The following DCAF8L2 variants were observed in gnomAD, a reference collection of about 807,000 sequenced individuals.
The protein encoded by DCAF8L2 is DDB1- and CUL4-associated factor 8-like protein 2.
For synonymous variants in DCAF8L2, 200 were observed against 190.9 expected, an observed-to-expected ratio of 1.05 and a Z score of -0.39; for missense variants, 430 against 490.7, an observed-to-expected ratio of 0.88 and a Z score of 1.17.
chrX:27,536,352 T>TA, the DCAF8L2 span, among the ~76,000 whole-genome samples: 2 of 112,833 alleles, frequency 1.8e-5, no homozygotes, highest in African/African-American at 6.4e-5. Context: ...AATGGTTAGT[T>TA]ACTGTTTGAA....
At position 27,719,345 on chromosome X, in the gene DCAF8L2, G is replaced by A. The variant is rs899717107; in HGVS notation, c.-59+3174G>A. 6.4e-5 allele frequency among the ~76,000 whole-genome samples: 7 copies of A among 109,408 alleles called. No homozygotes were observed. In the East Asian group the frequency reaches 1.4e-3, roughly 22 times the overall value. Reference sequence around the variant, plus strand: ...TGATAATTGGCCATAGATCTATTTCGTTTTGTTAAAGAAAATATGTTAAAA... The same window carrying A: ...TGATAATTGGCCATAGATCTATTTCATTTTGTTAAAGAAAATATGTTAAAA... On this transcript the variant is annotated intron_variant, in intron 4 of 4. Transcript: ENST00000451261.
the DCAF8L2 span, among the ~76,000 whole-genome samples, chrX:27,474,127 A>T: frequency 9.0e-6 from 1 of 111,527 alleles, no homozygotes; most frequent in Non-Finnish European, 1.9e-5. Flanking sequence ...TACAAGAAGC[A>T]ATTATCCCCA....
chrX:27,547,197 A>G, the DCAF8L2 span, among the ~76,000 whole-genome samples: 1 of 111,971 alleles, frequency 8.9e-6, no homozygotes, highest in African/African-American at 3.2e-5. Flanking sequence ...TGAGTTCCTC[A>G]TCTCCATTTG....
At chrX:27,644,420 A>G (rs1276191705) in intron 2 of DCAF8L2, among the ~76,000 whole-genome samples, 1 of 111,795 alleles carries the variant, frequency 8.9e-6, no homozygotes, top group African/African-American at 3.3e-5. Flanking sequence ...TGGATGATAC[A>G]CTTAATTACC....
intron 2 of DCAF8L2, among the ~76,000 whole-genome samples, chrX:27,670,478 T>C (rs1056213997): frequency 9.0e-6 from 1 of 111,646 alleles, no homozygotes; most frequent in African/African-American, 3.3e-5. Flanking sequence ...AAGTGGGTTG[T>C]TGCTGCAGGC....
chrX:27,731,349 C>T (rs1335899572), intron 4 of DCAF8L2, among the ~76,000 whole-genome samples: 2 of 110,984 alleles, frequency 1.8e-5, no homozygotes, highest in Non-Finnish European at 3.8e-5. Context: ...TGCAGTGAGC[C>T]GAGATTGCAC....
chrX:27,722,377 T>C (rs1931928357), intron 4 of DCAF8L2, among the ~76,000 whole-genome samples: 1 of 111,462 alleles, frequency 9.0e-6, no homozygotes, highest in Non-Finnish European at 1.9e-5. Flanking sequence ...ACCGAACCTA[T>C]TGAAGATCAT....
the DCAF8L2 span, among the ~76,000 whole-genome samples, chrX:27,544,032 C>T: frequency 9.0e-6 from 1 of 111,414 alleles, no homozygotes; most frequent in Non-Finnish European, 1.9e-5. Flanking sequence ...CTCTATGGTC[C>T]CCCTTTTTTA....
At chrX:27,566,777 T>C in the DCAF8L2 span, among the ~76,000 whole-genome samples, 3 of 111,229 alleles carry the variant, frequency 2.7e-5, no homozygotes, top group African/African-American at 9.8e-5. Context: ...GGACTTAGGT[T>C]GTTTTTCTTT....
intron 2 of DCAF8L2, among the ~76,000 whole-genome samples, chrX:27,635,110 T>C (rs1229678939): frequency 9.0e-6 from 1 of 111,634 alleles, no homozygotes; most frequent in Non-Finnish European, 1.9e-5. Flanking sequence ...TTATTTTTAT[T>C]ATCACTCTAG....
chrX:27,509,145 C>T, the DCAF8L2 span, among the ~76,000 whole-genome samples: 7 of 111,313 alleles, frequency 6.3e-5, no homozygotes, highest in Non-Finnish European at 1.1e-4. Context: ...TCACTAGTAA[C>T]AGTGGTGGCT....
At chrX:27,689,236 C>CTGATTGAT (rs952700199) in intron 3 of DCAF8L2, among the ~76,000 whole-genome samples, 4 of 111,875 alleles carry the variant, frequency 3.6e-5, no homozygotes, top group African/African-American at 9.7e-5. Flanking sequence ...GATTGATTGA[C>CTGATTGAT]TGATTGATTG....
chrX:27,590,485 G>A (rs1395481356), intron 1 of DCAF8L2, 45 bp downstream of exon 1: 13 of 111,207 alleles, frequency 1.2e-4, no homozygotes, highest in Non-Finnish European at 1.7e-4. Flanking sequence ...TTGGGAGTGG[G>A]GTTAATTTTT....
the DCAF8L2 span, among the ~76,000 whole-genome samples, chrX:27,574,621 T>C: frequency 8.9e-6 from 1 of 112,206 alleles, no homozygotes. Flanking sequence ...CCATGTAGTG[T>C]AGCAATGGCT....
chrX:27,598,974 A>AAAAT (rs1555917079), intron 1 of DCAF8L2, among the ~76,000 whole-genome samples: 41 of 92,187 alleles, frequency 4.4e-4, no homozygotes, highest in African/African-American at 1.3e-3. Context: ...AAAAAAAAAA[A>AAAAT]ATATATATAT....
chrX:27,644,051 C>G (rs1229883018), intron 2 of DCAF8L2, among the ~76,000 whole-genome samples: 1 of 111,713 alleles, frequency 9.0e-6, no homozygotes, highest in Non-Finnish European at 1.9e-5. Flanking sequence ...TTAGCTCACT[C>G]ACTATTTTTC....
the DCAF8L2 span, among the ~76,000 whole-genome samples, chrX:27,546,271 G>A: frequency 5.8e-4 from 65 of 112,033 alleles, no homozygotes; most frequent in Non-Finnish European, 1.5e-4. Flanking sequence ...TAATGCTGAT[G>A]CAAGAGGTGG....
chrX:27,629,850 G>T (rs964861362), intron 1 of DCAF8L2, among the ~76,000 whole-genome samples: 2 of 111,498 alleles, frequency 1.8e-5, no homozygotes, highest in Admixed American at 1.9e-4. Flanking sequence ...GTAAAAAAAT[G>T]CCATTGGAAT....
upstream of DCAF8L2, among the ~76,000 whole-genome samples, chrX:27,586,319 T>C (rs1413349830): frequency 9.0e-6 from 1 of 111,608 alleles, no homozygotes; most frequent in Non-Finnish European, 1.9e-5. Context: ...TAGGTATATA[T>C]ATATATGTTC....
Sources: gnomAD v4.1 joint callset for allele counts (sites outside exome capture counted in the v4.1 genomes callset) on GRCh38, gnomAD v4.1.1 for gene constraint, MANE v1.5 for transcripts, NCBI Gene and HGNC (gene_info 2026-07-23, HGNC 2026-07-21) for gene names.